Variants in DST observed in about 807,000 individuals in gnomAD.
The protein encoded by DST is dystonin.
A neutral mutation model predicts 875.2 loss-of-function variants in DST; 253 were observed. The ratio of observed to expected loss-of-function variants is 0.29; its 90% CI spans 0.26 to 0.32. The LOEUF (loss-of-function observed/expected upper bound fraction) is 0.32, where lower values mean the gene tolerates loss of function less well. Among genes scored for constraint, DST ranks in the 10% least tolerant of loss-of-function variants. The probability of loss-of-function intolerance (pLI) is 1.00; values close to 1 mark genes in which losing one functional copy is unlikely to be tolerated. For missense variants in DST, 8,287 were observed against 9,111.6 expected (o/e 0.91, Z 3.68); for synonymous variants, 3,124 against 3,197.1 (o/e 0.98, Z 0.77).
At chr6:56,916,755 C>CTCTCTCTCTA (rs1801177969) in intron 2 of DST, among the ~76,000 whole-genome samples, 1 of 74,412 alleles carries the variant, frequency 1.3e-5, no homozygotes, top group East Asian at 5.1e-4. Context: ...CTCTCTCTAT[C>CTCTCTCTCTA]TCTCTCTCTC....
At position 56,477,368 on chromosome 6, in the gene DST, T is replaced by C. The variant is rs758430841; in HGVS notation, c.21652A>G (p.Ile7218Val). ...SITTIKHWIT[I>V]IRARFEEVLA... is the part of the protein sequence containing the mutation. ...ACCTCCTCAAACCTCGCCCGGATGATTGTTATCCAGTGCTTAATGGTAGTG... is the reference window on the plus strand; with the variant it reads ...ACCTCCTCAAACCTCGCCCGGATGACTGTTATCCAGTGCTTAATGGTAGTG... Residue 7218 changes from isoleucine (I) to valine (V), a missense_variant, in exon 91 of 104, where the codon ATC becomes GTC. This residue lies in a region of DST where 1,292 missense variants were observed against 1,552.7 expected (regional missense o/e 0.83). Coordinates refer to ENST00000680361, the MANE Select transcript of DST (RefSeq NM_001374736.1). 1 of 1,613,972 alleles carries C rather than the reference T, an allele frequency of 6.2e-7. No homozygotes were observed. Among genetic ancestry groups the C allele is most frequent in the Non-Finnish European group, 8.5e-7 (1 of 1,179,856 alleles).
intron 4 of DST, among the ~76,000 whole-genome samples, chr6:56,792,032 A>G (rs1400949570): frequency 6.6e-6 from 1 of 152,164 alleles, no homozygotes; most frequent in African/African-American, 2.4e-5. Flanking sequence ...AGCAAAGGAA[A>G]TGCTTAAAGA....
At chr6:56,696,409 G>C (rs1272388505) in intron 9 of DST, among the ~76,000 whole-genome samples, 2 of 152,072 alleles carry the variant, frequency 1.3e-5, no homozygotes, top group Non-Finnish European at 2.9e-5. Flanking sequence ...TGATCCACCT[G>C]CCTCGGCCTC....
chr6:56,874,309 T>C (rs1391453697), intron 3 of DST, among the ~76,000 whole-genome samples: 2 of 151,984 alleles, frequency 1.3e-5, no homozygotes, highest in Non-Finnish European at 1.5e-5. Context: ...ACTTCTCTCC[T>C]GCCTGGGCAT....
intron 2 of DST, among the ~76,000 whole-genome samples, chr6:56,951,217 A>G (rs1246482283): frequency 2.0e-5 from 3 of 152,236 alleles, no homozygotes; most frequent in Admixed American, 1.3e-4. Flanking sequence ...GGCTAGCCCA[A>G]AGCTTTTTCA....
chr6:56,779,627 T>C (rs1369067265), intron 4 of DST, among the ~76,000 whole-genome samples: 3 of 151,986 alleles, frequency 2.0e-5, no homozygotes, highest in African/African-American at 7.3e-5. Flanking sequence ...CCCAGCACCA[T>C]TTATTAAATA....
rs1042484582 is a variant in DST at position 56,616,917 on chromosome 6, T to C, written c.4930-2433A>G. ...TCAACAGAATATGTCTGACCTGAAATGGGATCAATTATAAAACCTGTTGCA... is the reference window on the plus strand; with the variant it reads ...TCAACAGAATATGTCTGACCTGAAACGGGATCAATTATAAAACCTGTTGCA... On this transcript the variant is annotated intron_variant, in intron 36 of 103. Transcript: ENST00000680361. 33 of 1,609,496 alleles carry C rather than the reference T, an allele frequency of 2.1e-5. No homozygotes were observed. Among genetic ancestry groups the C allele is most frequent in the Middle Eastern group, 1.7e-4 (1 of 6,044 alleles).
At chr6:56,496,323 G>A (rs748290751) in intron 82 of DST, among the ~76,000 whole-genome samples, 26 of 152,166 alleles carry the variant, frequency 1.7e-4, no homozygotes, top group Middle Eastern at 3.4e-3. Context: ...TTTCTTAGGA[G>A]CCAACTGTGT....
At chr6:56,641,231 A>C (rs1156977693) in intron 17 of DST, among the ~76,000 whole-genome samples, 1 of 151,664 alleles carries the variant, frequency 6.6e-6, no homozygotes, top group East Asian at 1.9e-4. Flanking sequence ...ATTTTCTTTC[A>C]AGATTTTGTT....
intron 92 of DST, 160 bp from the exon 93 acceptor site, chr6:56,474,162 T>C (rs1486973908): frequency 1.6e-6 from 1 of 606,216 alleles, no homozygotes; most frequent in East Asian, 3.2e-5. Context: ...TAAACCATCA[T>C]ACTGCAGGCA....
intron 93 of DST, among the ~76,000 whole-genome samples, chr6:56,473,265 A>G (rs992207802): frequency 6.6e-6 from 1 of 152,216 alleles, no homozygotes; most frequent in African/African-American, 2.4e-5. Context: ...CTCCGACATC[A>G]TTTCTTTTTA....
At chr6:56,843,587 G>A (rs977877341) in intron 4 of DST, 27 of 983,970 alleles carry the variant, frequency 2.7e-5, no homozygotes, top group African/African-American at 7.0e-5. Context: ...CCGAGGCCGC[G>A]GCAGCGGTGC....
intron 80 of DST, among the ~76,000 whole-genome samples, chr6:56,498,918 A>G (rs570658716): frequency 6.6e-6 from 1 of 152,302 alleles, no homozygotes; most frequent in Non-Finnish European, 1.5e-5. Context: ...GAACCCAGCA[A>G]ATAATGCCTT....
chr6:56,721,515 T>C (rs1055966563), intron 5 of DST, among the ~76,000 whole-genome samples: 3 of 152,256 alleles, frequency 2.0e-5, no homozygotes, highest in African/African-American at 7.2e-5. Flanking sequence ...AACTAATAAA[T>C]GTCCATGAAA....
intron 63 of DST, among the ~76,000 whole-genome samples, chr6:56,534,732 C>T (rs1027085100): frequency 2.0e-5 from 3 of 152,124 alleles, no homozygotes; most frequent in African/African-American, 7.2e-5. Context: ...CCCTCCATTC[C>T]AGCACTTTAG....
chr6:56,688,970 T>A (rs1007492257), intron 9 of DST, among the ~76,000 whole-genome samples: 2 of 151,812 alleles, frequency 1.3e-5, no homozygotes, highest in African/African-American at 2.4e-5. Context: ...GGAAAAGAGG[T>A]ATGTAGGAAA....
At chr6:56,598,106 G>A (rs1375808896) in intron 46 of DST, 100 bp from the exon 47 acceptor site, 2 of 1,167,782 alleles carry the variant, frequency 1.7e-6, no homozygotes, top group Admixed American at 3.3e-5. Context: ...AAATTAGAAT[G>A]AGGGTACTAA....
chr6:56,609,832 C>A (rs1290545966), intron 39 of DST, among the ~76,000 whole-genome samples: 1 of 151,922 alleles, frequency 6.6e-6, no homozygotes. Flanking sequence ...CAAAATGTGA[C>A]AAATTATGTG....
intron 4 of DST, among the ~76,000 whole-genome samples, chr6:56,749,210 C>A (rs1050320078): frequency 1.3e-5 from 2 of 151,978 alleles, no homozygotes; most frequent in South Asian, 4.1e-4. Flanking sequence ...AAAAATTGGC[C>A]AGGCGTGGTG....
Sources: allele counts gnomAD v4.1 joint callset (sites outside exome capture counted in the v4.1 genomes callset), GRCh38; gene constraint gnomAD v4.1.1; regional missense constraint gnomAD v4.1.1; transcripts MANE v1.5; gene names NCBI Gene and HGNC (gene_info 2026-07-23, HGNC 2026-07-21).